Variants in TBC1D31 observed in about 807,000 individuals in gnomAD.
TBC1D31 encodes WD repeat domain 67.
TBC1D31 carries 99 observed loss-of-function variants against 132.9 expected under a neutral mutation model. The ratio of observed to expected loss-of-function variants is 0.74; its 90% CI spans 0.63 to 0.88. The LOEUF is 0.88. Ranked by LOEUF, TBC1D31 falls within the 40% of genes least tolerant of loss-of-function variation. The pLI is 0.00. For synonymous variants in TBC1D31, 385 were observed against 419.4 expected (o/e 0.92, Z 1.00); for missense variants, 1,134 against 1,256.6 (o/e 0.90, Z 1.48).
At chr8:123,122,559 A>G (rs533525120) in intron 11 of TBC1D31, among the ~76,000 whole-genome samples, 2 of 152,342 alleles carry the variant, frequency 1.3e-5, no homozygotes, top group South Asian at 4.1e-4. Flanking sequence ...CTAGTCCTGA[A>G]TGGATACAGA....
At chr8:123,128,942 T>C in intron 14 of TBC1D31, 124 bp from the exon 15 acceptor site, 1 of 633,586 alleles carries the variant, frequency 1.6e-6, no homozygotes, top group Non-Finnish European at 2.5e-6. Flanking sequence ...GCTAGAAATA[T>C]TAAAGATAGT....
At position 123,120,107 on chromosome 8, in the gene TBC1D31, C is replaced by A; in HGVS notation, c.1489C>A (p.Leu497Ile). ...TGTCATTTTTAGTGACACACCATAT[C>A]TTCCACTCTTGGCATTTCCATTTGT... ...WSVIFSDTPYLPLLAFPFVKL... is the reference protein window; with the variant it reads ...WSVIFSDTPYIPLLAFPFVKL... The change falls in exon 11 of 22, where the codon CTT becomes ATT. Residue 497 changes from leucine (L) to isoleucine (I), a missense_variant. Leu to Ile is a conservative substitution (Grantham distance 5). Coordinates refer to ENST00000287380, the MANE Select transcript of TBC1D31 (RefSeq NM_145647.4). The A allele has an allele frequency of 6.2e-7, 1 of 1,611,080 alleles. No homozygotes were observed. Among genetic ancestry groups the A allele is most frequent in the Non-Finnish European group, 8.5e-7 (1 of 1,178,504 alleles).
chr8:123,153,397 C>CT (rs1586757419), downstream of TBC1D31, among the ~76,000 whole-genome samples: 1 of 152,172 alleles, frequency 6.6e-6, no homozygotes, highest in East Asian at 1.9e-4. Context: ...ACAAAACCCT[C>CT]TTTTTTATAT....
In TBC1D31 at chr8:123,127,261, A is replaced by ATTTTTTTTTTTTTTTTTTT. The variant is rs35198781; in HGVS notation, c.1884+582_1884+600dup. ...TAATATTGGGGTTTGTGCTTTTTGC[A>ATTTTTTTTTTTTTTTTTTT]TTTTTTTTTTTTTTTTTTTTTTTTT... is the stretch of plus-strand genomic sequence containing the variant. On this transcript the variant is annotated intron_variant, in intron 13 of 21. Coordinates refer to ENST00000287380, the MANE Select transcript of TBC1D31 (RefSeq NM_145647.4). 2.4e-4 allele frequency among the ~76,000 whole-genome samples: 17 copies of ATTTTTTTTTTTTTTTTTTT among 69,916 alleles called. 4 individuals are homozygous for ATTTTTTTTTTTTTTTTTTT. The highest frequency in any genetic ancestry group is 9.8e-4 in the African/African-American group (16 of 16,364). 45.9% of individuals were successfully genotyped at this position (69,916 alleles called of 152,430 possible).
intron 19 of TBC1D31, 30 bp downstream of exon 19, chr8:123,142,486 A>G (rs770389198): frequency 7.0e-7 from 1 of 1,426,276 alleles, no homozygotes; most frequent in East Asian, 2.6e-5. Context: ...ACTTTTTAAT[A>G]TCAAGCATTG....
In TBC1D31 at chr8:123,100,872, C is replaced by T; in HGVS notation, c.897C>T (p.Leu299=). The change falls in exon 7 of 22, where the codon CTC becomes CTT. Residue 299 remains leucine (L), a synonymous_variant. Transcript: ENST00000287380. ...RFINMQTCKL[L]FEIGSLDEGI... ...TCAATATGCAGACTTGTAAACTTCT[C>T]TTTGAGATTGGGAGCCTCGATGAAG... 3.7e-6 allele frequency: 6 copies of T among 1,613,942 alleles called. No individual in the cohort carries two copies. The highest frequency in any genetic ancestry group is 5.1e-6 in the Non-Finnish European group (6 of 1,179,924).
At chr8:123,161,018 C>T in the TBC1D31 span, among the ~76,000 whole-genome samples, 149 of 152,234 alleles carry the variant, frequency 9.8e-4, no homozygotes, top group Non-Finnish European at 1.9e-3. Context: ...GGGTCGCCTC[C>T]CCACGGGGTC....
chr8:123,141,534 C>T (rs1233168267), intron 18 of TBC1D31, among the ~76,000 whole-genome samples: 2 of 146,694 alleles, frequency 1.4e-5, no homozygotes, highest in African/African-American at 5.1e-5. Context: ...GAACTTGAGA[C>T]TTTCAAAGAA....
chr8:123,084,105 T>A (rs1192128864), intron 3 of TBC1D31, 57 bp from the exon 4 acceptor site: 1 of 1,443,576 alleles, frequency 6.9e-7, no homozygotes, highest in Non-Finnish European at 9.6e-7. Flanking sequence ...TTATATGTAA[T>A]GTTACTTCTA....
chr8:123,104,429 A>G (rs1036243633), intron 7 of TBC1D31, among the ~76,000 whole-genome samples: 3 of 152,230 alleles, frequency 2.0e-5, no homozygotes, highest in African/African-American at 7.2e-5. Flanking sequence ...TAGTTTAAGG[A>G]TATTAAATAT....
chr8:123,073,005 G>A lies in TBC1D31; in HGVS notation c.77+159G>A, dbSNP rs891868781. ...TGGAACAGATGGCTCCGGACGCCAG[G>A]GTCCGCAGAGATCCCCTTCTGAGTT... On this transcript the variant is annotated intron_variant, in intron 1 of 21. Transcript: ENST00000287380. Among the ~76,000 whole-genome samples the A allele has an allele frequency of 5.9e-5, 9 of 152,298 alleles. No homozygotes were observed. In the South Asian group the frequency reaches 1.9e-3, roughly 32 times the overall value.
intron 1 of TBC1D31, among the ~76,000 whole-genome samples, chr8:123,075,820 A>T (rs1268709766): frequency 6.6e-6 from 1 of 152,210 alleles, no homozygotes; most frequent in African/African-American, 2.4e-5. Context: ...TTGTGACGAG[A>T]ATATACGCAC....
Position 123,097,376 on chromosome 8 carries a change from A to G in TBC1D31, c.766A>G (p.Thr256Ala). Residue 256 changes from threonine to alanine, a missense_variant, in exon 6 of 22, where the codon ACT becomes GCT. Thr to Ala is a moderately conservative substitution (Grantham distance 58). Transcript: ENST00000287380. ...RQLFRIIQMP[T>A]KVRAIRHLEF... ...GCTCTTTAGAATTATCCAGATGCCC[A>G]CTAAAGTTCGAGCCATTCGCCATCT... is the stretch of plus-strand genomic sequence containing the variant. The G allele has an allele frequency of 2.5e-6, 4 of 1,614,188 alleles. No individual in the cohort carries two copies. The highest frequency in any genetic ancestry group is 2.5e-6 in the Non-Finnish European group (3 of 1,180,030).
At chr8:123,075,273 T>A (rs1457691796) in intron 1 of TBC1D31, among the ~76,000 whole-genome samples, 2 of 152,218 alleles carry the variant, frequency 1.3e-5, no homozygotes, top group Admixed American at 6.5e-5. Context: ...TAAGCATTGT[T>A]AAGAATTTTG....
At chr8:123,157,343 C>T in the TBC1D31 span, among the ~76,000 whole-genome samples, 1 of 152,134 alleles carries the variant, frequency 6.6e-6, no homozygotes, top group Non-Finnish European at 1.5e-5. Context: ...TGAGGCTATA[C>T]AGCTGGTCTG....
At chr8:123,143,206 T>A (rs1397469131) in intron 19 of TBC1D31, among the ~76,000 whole-genome samples, 1 of 152,226 alleles carries the variant, frequency 6.6e-6, no homozygotes, top group East Asian at 1.9e-4. Context: ...TCACACTCCC[T>A]TCTAACTTCT....
At chr8:123,086,326 A>G (rs71514796) in intron 4 of TBC1D31, among the ~76,000 whole-genome samples, 4,301 of 152,228 alleles carry the variant, frequency 0.028, 84 homozygotes, top group Non-Finnish European at 0.048. Context: ...CTTTCCATAC[A>G]TTATCTCAAC....
intron 4 of TBC1D31, among the ~76,000 whole-genome samples, chr8:123,090,961 T>TA (rs1554606672): frequency 6.6e-6 from 1 of 151,688 alleles, no homozygotes; most frequent in East Asian, 1.9e-4. Flanking sequence ...AATAAATCAA[T>TA]AATAAATAAA....
chr8:123,094,211 C>G (rs1205243107), intron 5 of TBC1D31, among the ~76,000 whole-genome samples: 1 of 151,834 alleles, frequency 6.6e-6, no homozygotes, highest in Non-Finnish European at 1.5e-5. Context: ...ATTATAGGCA[C>G]GTGCCACCAT....
Sources: allele counts gnomAD v4.1 joint callset (sites outside exome capture counted in the v4.1 genomes callset), GRCh38; gene constraint gnomAD v4.1.1; transcripts MANE v1.5; gene names NCBI Gene and HGNC (gene_info 2026-07-23, HGNC 2026-07-21).